Variants in PDE4D observed in about 807,000 individuals in gnomAD.
PDE4D encodes the protein 3',5'-cyclic-AMP phosphodiesterase 4D.
PDE4D carries 24 observed loss-of-function variants against 87.4 expected under a neutral mutation model. The observed-to-expected ratio is 0.27, with a 90% CI of 0.20 to 0.39. The LOEUF is 0.39. Ranked by LOEUF, PDE4D falls within the 10% of genes least tolerant of loss-of-function variation. PDE4D has a pLI of 1.00. For missense variants in PDE4D, 714 were observed against 1,041.0 expected (o/e 0.69, Z 4.32); for synonymous variants, 384 against 383.2 (o/e 1.00, Z -0.02).
chr5:59,072,615 C>T (rs28555377), intron 5 of PDE4D, among the ~76,000 whole-genome samples: 52,116 of 151,936 alleles, frequency 0.34, 9,727 homozygotes, highest in East Asian at 0.78. Context: ...TTTCTTTGTC[C>T]TTGTCATTTA....
In PDE4D at chr5:59,610,805, G is replaced by T. The variant is rs1257900018; in HGVS notation, c.455+282363C>A. On this transcript the variant is annotated intron_variant, in intron 1 of 14. Transcript: ENST00000340635. ...AGTGGTGAAGACATGAAGTCTGTAA[G>T]GCTATGGAGAATAATTAAATGTGAT... Among the ~76,000 whole-genome samples the T allele has an allele frequency of 1.3e-5, 2 of 152,174 alleles. 1 individual carries two copies. The highest frequency in any genetic ancestry group is 4.8e-5 in the African/African-American group (2 of 41,432).
chr5:59,061,404 C>G (rs2056219588), intron 5 of PDE4D, among the ~76,000 whole-genome samples: 1 of 152,122 alleles, frequency 6.6e-6, no homozygotes, highest in South Asian at 2.1e-4. Context: ...AAATCCCCAG[C>G]TCCTAGAACA....
chr5:59,071,897 C>T (rs1764892971), intron 5 of PDE4D, among the ~76,000 whole-genome samples: 1 of 151,912 alleles, frequency 6.6e-6, no homozygotes, highest in Non-Finnish European at 1.5e-5. Flanking sequence ...CCATATTGGC[C>T]AGGCTGGTCT....
Position 60,427,921 on chromosome 5 carries a change from T to C in PDE4D, c.-90+60021A>G, listed in dbSNP as rs1743859678. ...ACTTCATGTCTACTAAAAATAAAAATAAAAAATTAACTAGGTGTGGTGGCA... is the reference window on the plus strand; with the variant it reads ...ACTTCATGTCTACTAAAAATAAAAACAAAAAATTAACTAGGTGTGGTGGCA... On this transcript the variant is annotated intron_variant, in intron 1 of 16. Transcript: ENST00000502484. Among the ~76,000 whole-genome samples the C allele has an allele frequency of 2.6e-5, 4 of 151,568 alleles. No homozygotes were observed. The South Asian group carries it at 8.3e-4, about 32-fold the overall frequency.
chr5:59,607,798 A>C (rs1828417458), intron 1 of PDE4D, among the ~76,000 whole-genome samples: 1 of 152,126 alleles, frequency 6.6e-6, no homozygotes, highest in Non-Finnish European at 1.5e-5. Flanking sequence ...GAAGCAAGCT[A>C]TCCATGCGCT....
At chr5:58,999,663 T>C (rs1399486751) in intron 6 of PDE4D, 1 of 1,123,902 alleles carries the variant, frequency 8.9e-7, no homozygotes, top group Non-Finnish European at 1.1e-6. Context: ...TTTTTAAAGA[T>C]TTTTGGTAAT....
chr5:59,451,539 TC>T (rs1259561684), intron 1 of PDE4D, among the ~76,000 whole-genome samples: 2 of 152,188 alleles, frequency 1.3e-5, no homozygotes, highest in Non-Finnish European at 2.9e-5. Flanking sequence ...ATATTCCTTC[TC>T]ACTGTGATTA....
At chr5:59,361,697 C>T (rs1256710353) in intron 1 of PDE4D, among the ~76,000 whole-genome samples, 7 of 152,140 alleles carry the variant, frequency 4.6e-5, no homozygotes, top group Non-Finnish European at 1.0e-4. Flanking sequence ...TAGACCTAAA[C>T]ACTATGAGAA....
intron 5 of PDE4D, among the ~76,000 whole-genome samples, chr5:59,153,761 T>TTG (rs1554082316): frequency 1.1e-4 from 16 of 151,218 alleles, no homozygotes; most frequent in Non-Finnish European, 1.3e-4. Context: ...GGTTTTTTTT[T>TTG]TTGTTGTTGT....
At chr5:59,733,560 T>C (rs1357429307) in intron 1 of PDE4D, among the ~76,000 whole-genome samples, 1 of 152,144 alleles carries the variant, frequency 6.6e-6, no homozygotes, top group African/African-American at 2.4e-5. Context: ...TATGATTACA[T>C]GGATTAGAAT....
chr5:59,974,147 C>A (rs1761065861), intron 3 of PDE4D, among the ~76,000 whole-genome samples: 1 of 152,090 alleles, frequency 6.6e-6, no homozygotes, highest in Admixed American at 6.5e-5. Context: ...ACATTGAATT[C>A]AATTTTATTC....
At chr5:60,406,989 G>T (rs188101579) in intron 1 of PDE4D, among the ~76,000 whole-genome samples, 1 of 152,050 alleles carries the variant, frequency 6.6e-6, no homozygotes, top group Admixed American at 6.5e-5. Flanking sequence ...TGTGTTCACC[G>T]AAATGTGACT....
In PDE4D at chr5:59,682,866, T is replaced by C. The variant is rs1026535603; in HGVS notation, c.455+210302A>G. Among the ~76,000 whole-genome samples, 6 of 152,320 alleles carry C rather than the reference T, an allele frequency of 3.9e-5. 1 individual carries two copies. Among genetic ancestry groups the C allele is most frequent in the East Asian group, 1.9e-4 (1 of 5,186 alleles). On this transcript the variant is annotated intron_variant, in intron 1 of 14. Transcript: ENST00000340635. Reference sequence around the variant, plus strand: ...AAGAGAGTGTACAAAACAATTGGCATGTAATTCTCCAAAAATATAAATGTC... The same window carrying C: ...AAGAGAGTGTACAAAACAATTGGCACGTAATTCTCCAAAAATATAAATGTC...
At chr5:60,087,134 G>A (rs934454931) in intron 2 of PDE4D, among the ~76,000 whole-genome samples, 3 of 152,206 alleles carry the variant, frequency 2.0e-5, no homozygotes, top group Non-Finnish European at 2.9e-5. Flanking sequence ...TCCCCAGAGT[G>A]GGAAACAATG....
At chr5:60,380,730 T>G (rs953259240) in intron 1 of PDE4D, among the ~76,000 whole-genome samples, 1 of 152,190 alleles carries the variant, frequency 6.6e-6, no homozygotes, top group Non-Finnish European at 1.5e-5. Context: ...AATAAGGTCT[T>G]AGGCTAAACA....
intron 1 of PDE4D, among the ~76,000 whole-genome samples, chr5:59,479,327 T>C (rs868517893): frequency 2.0e-5 from 3 of 152,080 alleles, no homozygotes; most frequent in African/African-American, 7.2e-5. Flanking sequence ...AAGTAGCTAC[T>C]GTACTACATC....
At chr5:59,650,061 T>C (rs1743201376) in intron 1 of PDE4D, among the ~76,000 whole-genome samples, 1 of 151,862 alleles carries the variant, frequency 6.6e-6, no homozygotes, top group South Asian at 2.1e-4. Context: ...TGAATTTGTT[T>C]TCAATGTACA....
intron 5 of PDE4D, among the ~76,000 whole-genome samples, chr5:59,111,074 G>C (rs1003676034): frequency 1.3e-5 from 2 of 151,996 alleles, no homozygotes; most frequent in Admixed American, 6.6e-5. Flanking sequence ...GGCTTGCAAA[G>C]CTACTTTTCT....
chr5:60,073,018 G>T (rs1057015199), intron 2 of PDE4D, among the ~76,000 whole-genome samples: 1 of 152,056 alleles, frequency 6.6e-6, no homozygotes, highest in Non-Finnish European at 1.5e-5. Context: ...TCTCTTGCCT[G>T]ATAGCTCTGG....
Sources: gnomAD v4.1 joint callset for allele counts (sites outside exome capture counted in the v4.1 genomes callset) on GRCh38, gnomAD v4.1.1 for gene constraint, MANE v1.5 for transcripts, NCBI Gene and HGNC (gene_info 2026-07-23, HGNC 2026-07-21) for gene names.